The following CYBA variants were observed in gnomAD, a reference collection of about 807,000 sequenced individuals.
The protein encoded by CYBA is cytochrome b-245 light chain.
In CYBA, 21 loss-of-function variants were observed where a neutral mutation model predicts 20.8. The ratio of observed to expected loss-of-function variants is 1.01; its 90% CI spans 0.72 to 1.46. The LOEUF (loss-of-function observed/expected upper bound fraction) is 1.46. Ranked by LOEUF, CYBA falls within the 40% of genes most tolerant of loss-of-function variation. The probability of loss-of-function intolerance (pLI) is 0.00; values close to 1 mark genes in which losing one functional copy is unlikely to be tolerated. For missense variants in CYBA, 344 were observed against 287.0 expected, an observed-to-expected ratio of 1.20 and a Z score of -1.43; for synonymous variants, 164 against 127.5, an observed-to-expected ratio of 1.29 and a Z score of -1.93.
At chr16:88,645,692 A>G in intron 5 of CYBA, 1 of 561,488 alleles carries the variant, frequency 1.8e-6, no homozygotes, top group South Asian at 2.1e-5. Context: ...GTTTAAGAAA[A>G]TGTCTGCGTC....
At chr16:88,649,143 T>C (rs141954916) in intron 1 of CYBA, among the ~76,000 whole-genome samples, 8 of 151,642 alleles carry the variant, frequency 5.3e-5, no homozygotes, top group East Asian at 3.9e-4. Context: ...TTCACTGTGT[T>C]AGCCAGGATG....
intron 2 of CYBA, 103 bp from the exon 3 acceptor site, chr16:88,647,278 A>G: frequency 1.8e-6 from 2 of 1,123,658 alleles, no homozygotes; most frequent in Non-Finnish European, 1.3e-6. Context: ...ACGGTGGCTC[A>G]TGCCTGGAAT....
rs13337172 is a variant in CYBA at position 88,646,642 on chromosome 16, C to T, written c.287+113G>A. The T allele has an allele frequency of 5.4e-4, 500 of 932,398 alleles. 3 individuals carry two copies. The African/African-American group carries it at 7.0e-3, about 13-fold the overall frequency. The allele number at this position is 932,398 out of a possible 1,614,324, so 57.8% of individuals were successfully genotyped here. On this transcript the variant is annotated intron_variant, in intron 4 of 5. Transcript: ENST00000261623. The stretch of plus-strand genomic sequence containing the variant: ...GGACCCGAATTTTTGTTTGGAAAAA[C>T]ACTGAGGTAAGTGGGGGTGGCTCCT...
chr16:88,650,973 G>T lies in CYBA; in HGVS notation c.41C>A (p.Ala14Glu). Residue 14 changes from alanine (A) to glutamate (E), a missense_variant, in exon 1 of 6, where the codon GCG becomes GAG. Ala to Glu is a moderately radical substitution (Grantham distance 107, BLOSUM62 -1). Coordinates refer to ENST00000261623, the MANE Select transcript of CYBA (RefSeq NM_000101.4). ...GCACTCACTCAGGCCGGACGCCAGC[G>T]CCTGTTCGTTGGCCCACATGGCCCA... The part of the protein sequence containing the change: ...IEWAMWANEQ[A>E]LASGLILITG... 6.3e-7 allele frequency: 1 copy of T among 1,595,516 alleles called. No homozygotes were observed.
Position 88,650,967 on chromosome 16 carries a change from GC to G in CYBA, c.46del (p.Ala16ArgfsTer4). On this transcript the variant is annotated frameshift_variant, in exon 1 of 6. Coordinates refer to ENST00000261623, the MANE Select transcript of CYBA (RefSeq NM_000101.4). LOFTEE classifies it high-confidence loss of function. ...WAMWANEQAL[A>X]SGLILITGGI... ...TGACGTGCACTCACTCAGGCCGGAC[GC>G]CAGCGCCTGTTCGTTGGCCCACATG... 6.3e-7 allele frequency: 1 copy of G among 1,593,314 alleles called. No homozygotes were observed. Among genetic ancestry groups the G allele is most frequent in the Non-Finnish European group, 8.5e-7 (1 of 1,171,400 alleles).
intron 4 of CYBA, chr16:88,646,515 C>T (rs1389224529): frequency 1.4e-6 from 1 of 698,562 alleles, no homozygotes; most frequent in Non-Finnish European, 2.6e-6. Context: ...GCAGTGCATG[C>T]TGACCCCAGA....
chr16:88,643,378 A>T lies in CYBA; in HGVS notation c.563T>A (p.Ile188Asn), dbSNP rs1378903780. The T allele has an allele frequency of 1.3e-6, 2 of 1,522,238 alleles. No individual in the cohort carries two copies. Among genetic ancestry groups the T allele is most frequent in the Non-Finnish European group, 1.8e-6 (2 of 1,135,846 alleles). The allele number at this position is 1,522,238 out of a possible 1,614,324, so 94.3% of individuals were successfully genotyped here. A position where few individuals can be genotyped will look rare whatever the true frequency, so the allele number is the denominator to read the frequency against. Reference protein sequence around the residue: ...GPPGGPQVNPIPVTDEVV With the variant: ...GPPGGPQVNPNPVTDEVV Reference sequence around the variant, plus strand: ...TCACACGACCTCGTCGGTCACCGGGATGGGGTTGACCTGGGGACCTCCCGG... The same window carrying T: ...TCACACGACCTCGTCGGTCACCGGGTTGGGGTTGACCTGGGGACCTCCCGG... Residue 188 changes from isoleucine (I) to asparagine (N), a missense_variant, in exon 6 of 6, where the codon ATC becomes AAC. Physicochemically the swap from Ile to Asn is moderately radical, Grantham distance 149. Transcript: ENST00000261623. This position sits in a 1 kb window ranked among gnomAD's most constrained non-coding sequence, Gnocchi z 4.3.
chr16:88,646,576 C>T (rs1369196848), intron 4 of CYBA, 179 bp downstream of exon 4: 1 of 714,232 alleles, frequency 1.4e-6, no homozygotes, highest in African/African-American at 1.7e-5. Context: ...CCTTACAAAT[C>T]CTGCACACTA....
intron 1 of CYBA, chr16:88,650,147 C>T (rs765593826): frequency 5.9e-5 from 20 of 337,514 alleles, no homozygotes; most frequent in Non-Finnish European, 1.2e-4. Flanking sequence ...CCTCCTCACC[C>T]TCAGCCCCCA....
At chr16:88,646,659 G>A in intron 4 of CYBA, 96 bp downstream of exon 4, 1 of 1,066,202 alleles carries the variant, frequency 9.4e-7, no homozygotes, top group Non-Finnish European at 1.5e-6. Context: ...GTAAGTGGGG[G>A]TGGCTCCTGT....
intron 2 of CYBA, 36 bp from the exon 3 acceptor site, chr16:88,647,211 C>G (rs942257021): frequency 5.0e-6 from 8 of 1,596,672 alleles, no homozygotes; most frequent in African/African-American, 4.0e-5. Flanking sequence ...CCCAGCTCAG[C>G]CTGAGGGGCC....
intron 4 of CYBA, 172 bp downstream of exon 4, chr16:88,646,583 A>C: frequency 1.4e-6 from 1 of 719,608 alleles, no homozygotes; most frequent in Non-Finnish European, 2.5e-6. Flanking sequence ...AATCCTGCAC[A>C]CTAGACAGCA....
rs1202019724 is a variant in CYBA, at chr16:88,650,728, C to A, written c.58+228G>T. ...AGAAGGGAATGGGGGAGGGGCGCCGCGCTCCGCAGGGTCTGCAAGGGAATT... is the reference window on the plus strand; with the variant it reads ...AGAAGGGAATGGGGGAGGGGCGCCGAGCTCCGCAGGGTCTGCAAGGGAATT... On this transcript the variant is annotated intron_variant, in intron 1 of 5. Coordinates refer to ENST00000261623, the MANE Select transcript of CYBA (RefSeq NM_000101.4). 3.6e-5 allele frequency: 22 copies of A among 614,456 alleles called. No individual in the cohort carries two copies. In the East Asian group the frequency reaches 6.0e-4, roughly 17 times the overall value. The allele number at this position is 614,456 out of a possible 1,614,324, so 38.1% of individuals were successfully genotyped here.
intron 1 of CYBA, among the ~76,000 whole-genome samples, chr16:88,649,601 G>A (rs144766018): frequency 4.4e-4 from 67 of 152,350 alleles, no homozygotes; most frequent in African/African-American, 1.5e-3. Flanking sequence ...TCCCCAGGCA[G>A]GTGGCATTTG....
chr16:88,647,935 C>T, intron 2 of CYBA, 110 bp downstream of exon 2: 1 of 1,107,880 alleles, frequency 9.0e-7, no homozygotes, highest in Non-Finnish European at 1.3e-6. Context: ...ACCCTGTGTC[C>T]CAGCCTGGCT....
At position 88,649,693 on chromosome 16, in the gene CYBA, C is replaced by G. The variant is rs372594092; in HGVS notation, c.58+1263G>C. On this transcript the variant is annotated intron_variant, in intron 1 of 5. Coordinates refer to ENST00000261623, the MANE Select transcript of CYBA (RefSeq NM_000101.4). ...AGGCCCTGGGGCACGCTCAGGAGAT[C>G]TAGGAACAGAAAGGAAGCACGGCAG... is the stretch of plus-strand genomic sequence containing the variant. Among the ~76,000 whole-genome samples, 13 of 152,348 alleles carry G rather than the reference C, an allele frequency of 8.5e-5. No individual in the cohort carries two copies. The East Asian group carries it at 2.3e-3, about 27-fold the overall frequency.
intron 1 of CYBA, 73 bp downstream of exon 1, chr16:88,650,883 G>T: frequency 6.7e-7 from 1 of 1,482,800 alleles, no homozygotes; most frequent in Non-Finnish European, 9.2e-7. Context: ...CCTGTAAGTA[G>T]CCCGAGGTCC....
intron 1 of CYBA, 185 bp downstream of exon 1, chr16:88,650,771 T>A: frequency 1.5e-6 from 1 of 649,538 alleles, no homozygotes; most frequent in Non-Finnish European, 2.8e-6. Flanking sequence ...GTCTCAGAAC[T>A]CCTCCTTCCA....
intron 5 of CYBA, chr16:88,645,391 G>T: frequency 1.1e-5 from 8 of 702,426 alleles, no homozygotes; most frequent in Non-Finnish European, 2.1e-5. Context: ...GCACAGCAAG[G>T]GGAGGGCAGT....
Sources: allele counts gnomAD v4.1 joint callset (sites outside exome capture counted in the v4.1 genomes callset), GRCh38; gene constraint gnomAD v4.1.1; non-coding constraint Gnocchi (gnomAD v3.1); transcripts MANE v1.5; gene names NCBI Gene and HGNC (gene_info 2026-07-23, HGNC 2026-07-21).